The following NXPH1 variants were observed in gnomAD, a reference collection of about 807,000 sequenced individuals.
The protein encoded by NXPH1 is neurexophilin 1.
In NXPH1, 5 loss-of-function variants were observed where a neutral mutation model predicts 23.7. That is an observed-to-expected ratio of 0.21 (90% CI 0.11 to 0.44). The LOEUF (loss-of-function observed/expected upper bound fraction) is 0.44, where lower values mean the gene tolerates loss of function less well. NXPH1 is among the 20% of genes least tolerant of loss of function. The probability of loss-of-function intolerance (pLI) is 0.99; values close to 1 mark genes in which losing one functional copy is unlikely to be tolerated. For missense variants in NXPH1, 324 were observed against 321.6 expected (o/e 1.01, Z -0.06); for synonymous variants, 144 against 122.2 (o/e 1.18, Z -1.18).
intron 2 of NXPH1, among the ~76,000 whole-genome samples, chr7:8,602,851 G>T (rs980286817): frequency 1.3e-5 from 2 of 150,742 alleles, no homozygotes; most frequent in Non-Finnish European, 3.0e-5. Flanking sequence ...CTTTTTTTTT[G>T]ATGGAGTCTC....
intron 2 of NXPH1, among the ~76,000 whole-genome samples, chr7:8,639,463 G>GA (rs79714855): frequency 1.8e-4 from 26 of 147,658 alleles, no homozygotes; most frequent in South Asian, 6.4e-4. Flanking sequence ...CGGTGTAAAA[G>GA]AAAAAAAAAA....
intron 2 of NXPH1, among the ~76,000 whole-genome samples, chr7:8,716,140 A>T (rs1779875126): frequency 6.6e-6 from 1 of 152,164 alleles, no homozygotes; most frequent in Non-Finnish European, 1.5e-5. Context: ...ACAGGACTTA[A>T]ATTATCCTTA....
chr7:8,721,233 T>A (rs1779964237), intron 2 of NXPH1, among the ~76,000 whole-genome samples: 1 of 152,100 alleles, frequency 6.6e-6, no homozygotes, highest in African/African-American at 2.4e-5. Flanking sequence ...AGAAAATTTA[T>A]ACACACATAC....
chr7:8,471,948 A>AT (rs1230932957), intron 2 of NXPH1, among the ~76,000 whole-genome samples: 2 of 151,876 alleles, frequency 1.3e-5, no homozygotes, highest in African/African-American at 4.8e-5. Context: ...ATTACGGGTA[A>AT]TTTTAATTCA....
At chr7:8,537,259 C>T (rs1818041832) in intron 2 of NXPH1, among the ~76,000 whole-genome samples, 1 of 151,962 alleles carries the variant, frequency 6.6e-6, no homozygotes, top group African/African-American at 2.4e-5. Flanking sequence ...ACTTTATGTG[C>T]CACCTCCCTG....
intron 2 of NXPH1, among the ~76,000 whole-genome samples, chr7:8,547,860 G>GTA (rs1256892163): frequency 1.3e-5 from 2 of 151,444 alleles, no homozygotes; most frequent in Non-Finnish European, 3.0e-5. Context: ...GTACTTAATG[G>GTA]TATATATATG....
chr7:8,677,804 T>C (rs1820975646), intron 2 of NXPH1, among the ~76,000 whole-genome samples: 1 of 139,354 alleles, frequency 7.2e-6, no homozygotes, highest in South Asian at 2.5e-4. Context: ...ATTTTACAGG[T>C]TATAAATTGA....
intron 2 of NXPH1, among the ~76,000 whole-genome samples, chr7:8,457,931 ACTTT>A (rs1448998565): frequency 1.3e-5 from 2 of 152,218 alleles, no homozygotes; most frequent in Non-Finnish European, 2.9e-5. Flanking sequence ...GGAATGGTTC[ACTTT>A]CTTCCTTCAA....
intron 2 of NXPH1, among the ~76,000 whole-genome samples, chr7:8,732,651 T>C (rs1379176458): frequency 6.6e-6 from 1 of 152,180 alleles, no homozygotes; most frequent in African/African-American, 2.4e-5. Context: ...AAATGTTTTA[T>C]TCATTATTAT....
chr7:8,685,003 G>A (rs976201334), intron 2 of NXPH1, among the ~76,000 whole-genome samples: 3 of 152,074 alleles, frequency 2.0e-5, no homozygotes, highest in African/African-American at 2.4e-5. Flanking sequence ...GGCTCTGAGC[G>A]GAATTAGAAG....
At chr7:8,626,019 C>T (rs188435375) in intron 2 of NXPH1, among the ~76,000 whole-genome samples, 3 of 151,964 alleles carry the variant, frequency 2.0e-5, no homozygotes, top group Non-Finnish European at 2.9e-5. Context: ...ATGGTAACTA[C>T]TTTTTTGTTT....
At chr7:8,686,286 T>C (rs13221144) in intron 2 of NXPH1, among the ~76,000 whole-genome samples, 23,895 of 152,100 alleles carry the variant, frequency 0.16, 2,318 homozygotes, top group Middle Eastern at 0.38. Context: ...TTTCTTTCCT[T>C]ACGTCTAATG....
chr7:8,681,901 C>A (rs1262189810), intron 2 of NXPH1, among the ~76,000 whole-genome samples: 2 of 152,130 alleles, frequency 1.3e-5, no homozygotes, highest in African/African-American at 4.8e-5. Context: ...TCATTTACTG[C>A]AGTGAAACTG....
chr7:8,703,673 G>A (rs1779661207), intron 2 of NXPH1, among the ~76,000 whole-genome samples: 1 of 152,064 alleles, frequency 6.6e-6, no homozygotes, highest in Non-Finnish European at 1.5e-5. Flanking sequence ...AGCTTTTTAT[G>A]ACTTCACTGA....
In NXPH1 at chr7:8,751,175, G is replaced by C. The variant is rs1341619303; in HGVS notation, c.222G>C (p.Leu74=). ...RGKENDTDLD[L]RYDTPEPYSE... ...AAGAGAATGATACAGATTTGGACCT[G>C]AGATATGACACCCCAGAACCTTATT... Residue 74 remains leucine (L), a synonymous_variant, in exon 3 of 3, where the codon CTG becomes CTC. Transcript: ENST00000405863. This position sits in a 1 kb window ranked among gnomAD's most constrained non-coding sequence, Gnocchi z 4.5. 1.2e-6 allele frequency: 2 copies of C among 1,613,836 alleles called. No individual in the cohort carries two copies. The highest frequency in any genetic ancestry group is 3.3e-5 in the Admixed American group (2 of 59,926).
chr7:8,529,393 G>T (rs983569600), intron 2 of NXPH1, among the ~76,000 whole-genome samples: 1 of 152,190 alleles, frequency 6.6e-6, no homozygotes, highest in African/African-American at 2.4e-5. Context: ...CTGTGTGGGT[G>T]CAGTACACAT....
intron 2 of NXPH1, among the ~76,000 whole-genome samples, chr7:8,532,498 G>T (rs1817963653): frequency 6.6e-6 from 1 of 151,098 alleles, no homozygotes; most frequent in African/African-American, 2.4e-5. Context: ...GCTTTTTACA[G>T]GGCTCTGAAT....
At chr7:8,464,231 T>TC (rs531975256) in intron 2 of NXPH1, among the ~76,000 whole-genome samples, 1 of 152,114 alleles carries the variant, frequency 6.6e-6, no homozygotes, top group Non-Finnish European at 1.5e-5. Context: ...CATCTTTATA[T>TC]CCCCCCGTAA....
intron 2 of NXPH1, among the ~76,000 whole-genome samples, chr7:8,694,050 A>G (rs73676143): frequency 6.2e-4 from 95 of 152,320 alleles, no homozygotes; most frequent in African/African-American, 2.1e-3. Context: ...GAAACAAAGC[A>G]GTATCTTGTT....
Sources: gnomAD v4.1 joint callset for allele counts (sites outside exome capture counted in the v4.1 genomes callset) on GRCh38, gnomAD v4.1.1 for gene constraint, Gnocchi (gnomAD v3.1) non-coding constraint, MANE v1.5 for transcripts, NCBI Gene and HGNC (gene_info 2026-07-23, HGNC 2026-07-21) for gene names.